The following MPZL1 variants were observed in gnomAD, a reference collection of about 807,000 sequenced individuals.
MPZL1 encodes the protein myelin protein zero like 1.
A neutral mutation model predicts 29.3 loss-of-function variants in MPZL1; 16 were observed. The ratio of observed to expected loss-of-function variants is 0.55; its 90% confidence interval spans 0.37 to 0.83. MPZL1 has a LOEUF of 0.83. Ranked by LOEUF, MPZL1 falls within the 40% of genes least tolerant of loss-of-function variation. The pLI is 0.00. For missense variants in MPZL1, 279 were observed against 332.9 expected (o/e 0.84, Z 1.26); for synonymous variants, 143 against 132.0 (o/e 1.08, Z -0.57).
At chr1:167,738,101 A>G (rs996516135) in intron 1 of MPZL1, among the ~76,000 whole-genome samples, 5 of 151,626 alleles carry the variant, frequency 3.3e-5, no homozygotes, top group African/African-American at 1.2e-4. Flanking sequence ...AATTTTTTGT[A>G]TTTTTTTAGA....
intron 1 of MPZL1, among the ~76,000 whole-genome samples, chr1:167,751,110 G>C (rs1178390289): frequency 6.6e-6 from 1 of 152,252 alleles, no homozygotes; most frequent in East Asian, 1.9e-4. Flanking sequence ...GGTGTTGTCT[G>C]CCATGTTTCT....
At chr1:167,763,968 G>A (rs1661053453) in intron 1 of MPZL1, among the ~76,000 whole-genome samples, 1 of 152,176 alleles carries the variant, frequency 6.6e-6, no homozygotes, top group South Asian at 2.1e-4. Context: ...AGGAATGGGG[G>A]AGTACTCTTG....
chr1:167,735,182 A>G (rs1660351698), intron 1 of MPZL1, among the ~76,000 whole-genome samples: 2 of 152,228 alleles, frequency 1.3e-5, no homozygotes, highest in Admixed American at 6.5e-5. Context: ...AGTAACCAAC[A>G]AATCTCATTA....
intron 5 of MPZL1, among the ~76,000 whole-genome samples, chr1:167,782,200 GA>G (rs1206176905): frequency 9.2e-5 from 14 of 152,012 alleles, no homozygotes; most frequent in Admixed American, 5.9e-4. Flanking sequence ...TTATTTTCTA[GA>G]AATTTTATTT....
chr1:167,747,159 G>T (rs1454039372), intron 1 of MPZL1, among the ~76,000 whole-genome samples: 1 of 152,182 alleles, frequency 6.6e-6, no homozygotes, highest in Non-Finnish European at 1.5e-5. Flanking sequence ...GAATTGTTTT[G>T]CATAGAGCCT....
chr1:167,770,468 A>G (rs77293822), intron 2 of MPZL1, among the ~76,000 whole-genome samples: 2,044 of 152,338 alleles, frequency 0.013, 30 homozygotes, highest in East Asian at 0.059. Context: ...AGGAGTGGAA[A>G]GAGAAAGGGG....
chr1:167,777,988 C>T (rs955693828), intron 5 of MPZL1, among the ~76,000 whole-genome samples: 5 of 152,186 alleles, frequency 3.3e-5, no homozygotes, highest in African/African-American at 7.2e-5. Context: ...AAATTCATCA[C>T]CCAACAATGT....
intron 1 of MPZL1, among the ~76,000 whole-genome samples, chr1:167,760,173 GAT>G (rs1660951395): frequency 6.6e-6 from 1 of 152,114 alleles, no homozygotes; most frequent in Admixed American, 6.5e-5. Context: ...GGCAGAGAGA[GAT>G]CAATTTCTAG....
In MPZL1 at chr1:167,763,282, G is replaced by A. The variant is rs147745071; in HGVS notation, c.92-2301G>A. ...GTAATCCCAGCACTTTGGGGGGGCC[G>A]GGGCTGGTGAATCACCTGAGGTCAG... On this transcript the variant is annotated intron_variant, in intron 1 of 5. Coordinates refer to ENST00000359523, the MANE Select transcript of MPZL1 (RefSeq NM_003953.6). Among the ~76,000 whole-genome samples, 1,078 of 152,190 alleles carry A rather than the reference G, an allele frequency of 7.1e-3. 11 individuals carry two copies. The highest frequency in any genetic ancestry group is 0.025 in the African/African-American group (1,025 of 41,544).
chr1:167,765,392 C>T (rs995301289), intron 1 of MPZL1, 191 bp from the exon 2 acceptor site: 26 of 365,592 alleles, frequency 7.1e-5, no homozygotes, highest in Non-Finnish European at 6.9e-5. Flanking sequence ...CCTAAACTGT[C>T]AGCAATTATT....
chr1:167,728,270 G>A (rs1424442047), intron 1 of MPZL1, among the ~76,000 whole-genome samples: 1 of 151,394 alleles, frequency 6.6e-6, no homozygotes, highest in Non-Finnish European at 1.5e-5. Flanking sequence ...TCCAACTCCT[G>A]ACCTCAGGTG....
Position 167,754,708 on chromosome 1 carries a change from T to A in MPZL1, c.92-10875T>A, listed in dbSNP as rs1660831691. On this transcript the variant is annotated intron_variant, in intron 1 of 5. Coordinates refer to ENST00000359523, the MANE Select transcript of MPZL1 (RefSeq NM_003953.6). ...ATGGTCTTATTGTATAATAGCATCG[T>A]AAGTGAAGTCCCAACATCTCATTTG... 3.3e-5 allele frequency among the ~76,000 whole-genome samples: 5 copies of A among 152,184 alleles called. No homozygotes were observed. The South Asian group carries it at 1.0e-3, about 31-fold the overall frequency.
chr1:167,737,730 T>C (rs745423849), intron 1 of MPZL1, among the ~76,000 whole-genome samples: 6 of 152,182 alleles, frequency 3.9e-5, no homozygotes, highest in Non-Finnish European at 7.3e-5. Flanking sequence ...TTACATTACC[T>C]CTTCACTGGG....
intron 1 of MPZL1, among the ~76,000 whole-genome samples, chr1:167,725,685 C>G (rs1660131139): frequency 6.6e-6 from 1 of 152,188 alleles, no homozygotes; most frequent in Admixed American, 6.5e-5. Context: ...CTGGGTTTCA[C>G]TATGTTGGCC....
chr1:167,773,364 A>G lies in MPZL1; in HGVS notation c.601A>G (p.Thr201Ala). The G allele has an allele frequency of 4.3e-6, 7 of 1,613,440 alleles. No homozygotes were observed. The highest frequency in any genetic ancestry group is 5.9e-6 in the Non-Finnish European group (7 of 1,179,752). Reference sequence around the variant, plus strand: ...AAGGAAAAACTCTAAACGGGATTACACTGGGTAAGAAACACTGTTTTTTTA... The same window carrying G: ...AAGGAAAAACTCTAAACGGGATTACGCTGGGTAAGAAACACTGTTTTTTTA... Reference protein sequence around the residue: ...YRRKNSKRDYTGCSTSESLSP... With the variant: ...YRRKNSKRDYAGCSTSESLSP... Residue 201 changes from threonine to alanine, a missense_variant, in exon 4 of 6, where the codon ACT (threonine) becomes GCT (alanine). By Grantham distance (58) the Thr-to-Ala change is moderately conservative (BLOSUM62 0). Coordinates refer to ENST00000359523, the MANE Select transcript of MPZL1 (RefSeq NM_003953.6).
rs926033500 is a variant in MPZL1 at position 167,780,664 on chromosome 1, C to T, written c.708+4498C>T. On this transcript the variant is annotated intron_variant, in intron 5 of 5. Transcript: ENST00000359523. ...CCACAGAAAGACATACTATGTGATT[C>T]TACTAATATCCCATACCCTACAGTG... 3.3e-5 allele frequency among the ~76,000 whole-genome samples: 5 copies of T among 152,108 alleles called. No individual in the cohort carries two copies. In the South Asian group the frequency reaches 8.3e-4, roughly 25 times the overall value.
At chr1:167,780,828 A>C (rs1004072105) in intron 5 of MPZL1, among the ~76,000 whole-genome samples, 3 of 152,202 alleles carry the variant, frequency 2.0e-5, no homozygotes, top group African/African-American at 7.2e-5. Flanking sequence ...AAATGCACTT[A>C]ACACTACTAA....
At chr1:167,759,730 C>T (rs1660942243) in intron 1 of MPZL1, among the ~76,000 whole-genome samples, 1 of 152,208 alleles carries the variant, frequency 6.6e-6, no homozygotes, top group Non-Finnish European at 1.5e-5. Context: ...GTTGGCCACT[C>T]TTCCCTTGTC....
At chr1:167,757,759 G>A (rs1211757710) in intron 1 of MPZL1, among the ~76,000 whole-genome samples, 2 of 152,184 alleles carry the variant, frequency 1.3e-5, no homozygotes. Context: ...CTTTTAAGCA[G>A]GAGTTTATAG....
Sources: allele counts gnomAD v4.1 joint callset (sites outside exome capture counted in the v4.1 genomes callset), GRCh38; gene constraint gnomAD v4.1.1; transcripts MANE v1.5; gene names NCBI Gene and HGNC (gene_info 2026-07-23, HGNC 2026-07-21).